The following B3GALT1 variants were observed in gnomAD, a reference collection of about 807,000 sequenced individuals.
B3GALT1 encodes the protein UDP-Gal:betaGlcNAc beta 1,3-galactosyltransferase, polypeptide 1.
B3GALT1 carries 10 observed loss-of-function variants against 23.2 expected under a neutral mutation model. The ratio of observed to expected loss-of-function variants is 0.43; its 90% CI spans 0.27 to 0.73. B3GALT1 has a LOEUF of 0.73. Ranked by LOEUF, B3GALT1 falls within the 30% of genes least tolerant of loss-of-function variation. The probability of loss-of-function intolerance (pLI) is 0.21; values close to 1 mark genes in which losing one functional copy is unlikely to be tolerated. For synonymous variants in B3GALT1, 156 were observed against 141.5 expected (o/e 1.10, Z -0.73); for missense variants, 299 against 405.4 (o/e 0.74, Z 2.25).
chr2:167,608,033 C>T (rs759849762), intron 2 of B3GALT1, among the ~76,000 whole-genome samples: 2 of 152,094 alleles, frequency 1.3e-5, no homozygotes, highest in African/African-American at 2.4e-5. Context: ...CTAGTGCAGA[C>T]GATTTATGCA....
At chr2:167,303,634 A>AAC (rs757759300) in intron 1 of B3GALT1, among the ~76,000 whole-genome samples, 2 of 106,462 alleles carry the variant, frequency 1.9e-5, no homozygotes, top group African/African-American at 3.4e-5. Flanking sequence ...TGCTCTTGGA[A>AAC]ACACACACAT....
chr2:167,554,165 C>T (rs2105382859), intron 2 of B3GALT1, among the ~76,000 whole-genome samples: 1 of 152,288 alleles, frequency 6.6e-6, no homozygotes, highest in South Asian at 2.1e-4. Context: ...CTTCAGTTTT[C>T]TCATATTGAA....
At chr2:167,457,619 A>G (rs1223226808) in intron 1 of B3GALT1, among the ~76,000 whole-genome samples, 3 of 152,032 alleles carry the variant, frequency 2.0e-5, no homozygotes, top group South Asian at 2.1e-4. Context: ...TTGTCTTTAT[A>G]TGTTTTTGGG....
chr2:167,548,227 C>T (rs1683676270), intron 2 of B3GALT1, among the ~76,000 whole-genome samples: 1 of 152,214 alleles, frequency 6.6e-6, no homozygotes, highest in South Asian at 2.1e-4. Context: ...GATCTACCTT[C>T]TTCCTGCCTC....
intron 1 of B3GALT1, among the ~76,000 whole-genome samples, chr2:167,489,078 T>C (rs1429822909): frequency 1.3e-5 from 2 of 152,158 alleles, no homozygotes; most frequent in Non-Finnish European, 2.9e-5. Context: ...ACAGAATGAT[T>C]GTTAGAAGTA....
chr2:167,668,551 C>T (rs563805862), intron 3 of B3GALT1, among the ~76,000 whole-genome samples: 10 of 152,266 alleles, frequency 6.6e-5, no homozygotes, highest in East Asian at 3.9e-4. Flanking sequence ...CCCCCAGCCT[C>T]GCTGCCGCCT....
At chr2:167,528,047 A>C (rs1297004872) in intron 2 of B3GALT1, among the ~76,000 whole-genome samples, 1 of 152,184 alleles carries the variant, frequency 6.6e-6, no homozygotes, top group Admixed American at 6.6e-5. Flanking sequence ...GCATGTTGCA[A>C]TATACCATCA....
intron 3 of B3GALT1, among the ~76,000 whole-genome samples, chr2:167,712,991 G>T (rs953945944): frequency 4.6e-5 from 7 of 152,152 alleles, no homozygotes; most frequent in Admixed American, 1.3e-4. Flanking sequence ...TGTCCATATG[G>T]GAATATTAGA....
intron 2 of B3GALT1, among the ~76,000 whole-genome samples, chr2:167,556,325 T>A (rs1052207744): frequency 1.7e-4 from 26 of 152,286 alleles, no homozygotes; most frequent in African/African-American, 6.3e-4. Flanking sequence ...GTAAACAGTT[T>A]CGAGGACTAA....
chr2:167,628,757 G>A (rs74656317), intron 2 of B3GALT1, among the ~76,000 whole-genome samples: 7,021 of 151,696 alleles, frequency 0.046, 300 homozygotes, highest in African/African-American at 0.095. Flanking sequence ...ATGGGACTTC[G>A]GGAGCAAGCT....
chr2:167,564,175 C>T (rs1468459929), intron 2 of B3GALT1, among the ~76,000 whole-genome samples: 1 of 150,902 alleles, frequency 6.6e-6, no homozygotes. Flanking sequence ...AGGGTCTCCT[C>T]ACTTCTCAGA....
In B3GALT1 at chr2:167,736,943, C is replaced by A. The variant is rs958282906; in HGVS notation, c.-351-81729C>A. Among the ~76,000 whole-genome samples the A allele has an allele frequency of 3.3e-5, 5 of 151,272 alleles. No homozygotes were observed. The East Asian group carries it at 9.8e-4, about 30-fold the overall frequency. On this transcript the variant is annotated intron_variant, in intron 3 of 4. Coordinates refer to ENST00000392690, the MANE Select transcript of B3GALT1 (RefSeq NM_020981.4). Reference sequence around the variant, plus strand: ...TGAGACTCTGTCCCCCCCTTCCCCCCCAAAAAAAGAATTAAACCAATGAAT... The same window carrying A: ...TGAGACTCTGTCCCCCCCTTCCCCCACAAAAAAAGAATTAAACCAATGAAT...
chr2:167,635,113 A>C (rs1035493053), intron 2 of B3GALT1, among the ~76,000 whole-genome samples: 4 of 152,158 alleles, frequency 2.6e-5, no homozygotes, highest in Non-Finnish European at 5.9e-5. Context: ...TGATTATCTC[A>C]ATAGATGCAG....
At chr2:167,452,434 A>G (rs998865431) in intron 1 of B3GALT1, among the ~76,000 whole-genome samples, 1 of 152,084 alleles carries the variant, frequency 6.6e-6, no homozygotes, top group African/African-American at 2.4e-5. Context: ...GCTCCAGGTA[A>G]TGTCAAATCC....
At chr2:167,541,008 G>T (rs1175359498) in intron 2 of B3GALT1, among the ~76,000 whole-genome samples, 3 of 152,030 alleles carry the variant, frequency 2.0e-5, no homozygotes, top group Non-Finnish European at 2.9e-5. Context: ...ACTTTAAAAT[G>T]GAATTTTTTG....
At chr2:167,624,009 C>G (rs973321324) in intron 2 of B3GALT1, among the ~76,000 whole-genome samples, 1 of 151,922 alleles carries the variant, frequency 6.6e-6, no homozygotes, top group African/African-American at 2.4e-5. Flanking sequence ...ATTGGGAAGT[C>G]TTAAAGTAGA....
chr2:167,358,327 A>G (rs938286189), intron 1 of B3GALT1, among the ~76,000 whole-genome samples: 2 of 152,200 alleles, frequency 1.3e-5, no homozygotes, highest in Admixed American at 1.3e-4. Flanking sequence ...TCAGTGACGG[A>G]CATTGAGTTT....
At chr2:167,830,174 G>T (rs938599358) in intron 4 of B3GALT1, among the ~76,000 whole-genome samples, 4 of 152,070 alleles carry the variant, frequency 2.6e-5, no homozygotes, top group African/African-American at 7.2e-5. Flanking sequence ...TGTCTTCAAG[G>T]ACTGAGCAGA....
intron 4 of B3GALT1, among the ~76,000 whole-genome samples, chr2:167,842,339 G>C (rs1689667709): frequency 6.6e-6 from 1 of 152,142 alleles, no homozygotes; most frequent in South Asian, 2.1e-4. Flanking sequence ...TCCCACATCT[G>C]TTCAAGCTGA....
Sources: allele counts gnomAD v4.1 joint callset (sites outside exome capture counted in the v4.1 genomes callset), GRCh38; gene constraint gnomAD v4.1.1; transcripts MANE v1.5; gene names NCBI Gene and HGNC (gene_info 2026-07-23, HGNC 2026-07-21).